Variants in SPTLC1 observed in about 807,000 individuals in gnomAD.
SPTLC1 encodes serine palmitoyltransferase 1.
Under a neutral mutation model 68.9 loss-of-function variants are expected in SPTLC1, and 55 were observed. That is an observed-to-expected ratio of 0.80 (90% CI 0.64 to 1.00). SPTLC1 has a LOEUF of 1.00. SPTLC1 is among the 50% of genes least tolerant of loss of function. The pLI is 0.00. For synonymous variants in SPTLC1, 197 were observed against 201.6 expected, an observed-to-expected ratio of 0.98 and a Z score of 0.19; for missense variants, 449 against 573.1, an observed-to-expected ratio of 0.78 and a Z score of 2.21.
rs772585324 is a variant in SPTLC1, at chr9:92,068,088, C to T, written c.438G>A (p.Leu146=). 5.0e-6 allele frequency: 8 copies of T among 1,613,746 alleles called. No homozygotes were observed. In the East Asian group the frequency reaches 1.6e-4, roughly 31 times the overall value. ...ATTTTGCCAGGCGGTCTTCCAAATC[C>T]AAATGAACATCTATTTCAGTTAAAA... ...RGFYGTFDVH[L]DLEDRLAKFM... is the part of the protein sequence containing the mutation. The change falls in exon 6 of 15, where the codon TTG becomes TTA. Residue 146 remains leucine (L), a synonymous_variant. Coordinates refer to ENST00000262554, the MANE Select transcript of SPTLC1 (RefSeq NM_006415.4).
Position 92,047,644 on chromosome 9 carries a change from C to A in SPTLC1, c.953G>T (p.Cys318Phe). 6.2e-7 allele frequency: 1 copy of A among 1,613,696 alleles called. No individual in the cohort carries two copies. Among genetic ancestry groups the A allele is most frequent in the African/African-American group, 1.3e-5 (1 of 75,010 alleles). The change falls in exon 10 of 15, where the codon TGC (cysteine) becomes TTC (phenylalanine). Residue 318 changes from cysteine to phenylalanine, a missense_variant. Around this residue, in one of 3 missense-constraint regions of SPTLC1, gnomAD observed 391 missense variants for 472.1 expected, o/e 0.83. Coordinates refer to ENST00000262554, the MANE Select transcript of SPTLC1 (RefSeq NM_006415.4). Reference sequence around the variant, plus strand: ...GTCAATTACAAAAGACCTGCCACAGCAGAAACCTCCAATAGAAGCAAGTGC... The same window carrying A: ...GTCAATTACAAAAGACCTGCCACAGAAGAAACCTCCAATAGAAGCAAGTGC... ...ENALASIGGF[C>F]CGRSFVIDHQ... is the part of the protein sequence containing the mutation.
At chr9:92,091,150 G>A (rs1179632372) in intron 3 of SPTLC1, among the ~76,000 whole-genome samples, 1 of 152,176 alleles carries the variant, frequency 6.6e-6, no homozygotes, top group Non-Finnish European at 1.5e-5. Flanking sequence ...TATAAAGGGA[G>A]GTAAAATAAT....
chr9:92,055,680 T>A (rs113136625), intron 7 of SPTLC1, among the ~76,000 whole-genome samples, 186 bp from the exon 8 acceptor site: 7 of 152,246 alleles, frequency 4.6e-5, no homozygotes, highest in African/African-American at 1.7e-4. Flanking sequence ...TCTCAGACGT[T>A]TTTCAGCTCA....
At chr9:92,088,802 G>C (rs542178380) in intron 3 of SPTLC1, among the ~76,000 whole-genome samples, 40 of 152,320 alleles carry the variant, frequency 2.6e-4, no homozygotes, top group Middle Eastern at 3.4e-3. Context: ...GGAAGTCTCA[G>C]ACCTGTGCCC....
intron 1 of SPTLC1, among the ~76,000 whole-genome samples, chr9:92,114,071 C>T (rs534356185): frequency 4.2e-4 from 64 of 151,050 alleles, no homozygotes; most frequent in Middle Eastern, 3.4e-3. Context: ...GCCAGGAGTT[C>T]GAGGCCAGGC....
chr9:92,080,063 T>G lies in SPTLC1; in HGVS notation c.380A>C (p.Lys127Thr), dbSNP rs1242753412. Residue 127 changes from lysine to threonine, a missense_variant, in exon 5 of 15, where the codon AAG (lysine) becomes ACG (threonine). Coordinates refer to ENST00000262554, the MANE Select transcript of SPTLC1 (RefSeq NM_006415.4). ...VKAAALASLKKYGVGTCGPRG... is the reference protein window; with the variant it reads ...VKAAALASLKTYGVGTCGPRG... ...GGGTCCACAAGTCCCCACGCCATACTTCTTTAGAGATGCTAAAGCTGCTGC... is the reference window on the plus strand; with the variant it reads ...GGGTCCACAAGTCCCCACGCCATACGTCTTTAGAGATGCTAAAGCTGCTGC... 6.2e-7 allele frequency: 1 copy of G among 1,614,068 alleles called. No homozygotes were observed. The highest frequency in any genetic ancestry group is 1.7e-5 in the Admixed American group (1 of 60,008).
At chr9:92,109,693 C>T in intron 2 of SPTLC1, 1 of 152,440 alleles carries the variant, frequency 6.6e-6, no homozygotes, top group Non-Finnish European at 1.5e-5. Context: ...TCATTTTAGG[C>T]CGGGCATGGT....
At chr9:92,042,510 C>T (rs781749911) in intron 12 of SPTLC1, among the ~76,000 whole-genome samples, 2 of 152,260 alleles carry the variant, frequency 1.3e-5, no homozygotes, top group African/African-American at 4.8e-5. Context: ...CAACCCCATT[C>T]ATAACAGCAA....
rs957463967 is a variant in SPTLC1 at position 92,059,345 on chromosome 9, G to A, written c.561-37C>T. On this transcript the variant is annotated intron_variant, in intron 6 of 14. Transcript: ENST00000262554. ...AGAGATCCACCAAATTGGGTTTAAA[G>A]GGTCTTGTCAACATTCTCAAAAAGG... is the stretch of plus-strand genomic sequence containing the variant. 2.5e-6 allele frequency: 4 copies of A among 1,611,978 alleles called. No homozygotes were observed. The Admixed American group carries it at 6.7e-5, about 27-fold the overall frequency.
chr9:92,068,062 A>G lies in SPTLC1; in HGVS notation c.464T>C (p.Phe155Ser). The change falls in exon 6 of 15, where the codon TTT becomes TCT. Residue 155 changes from phenylalanine (F) to serine (S), a missense_variant. Coordinates refer to ENST00000262554, the MANE Select transcript of SPTLC1 (RefSeq NM_006415.4). ...HLDLEDRLAK[F>S]MKTEEAIIYS... is the part of the protein sequence containing the mutation. ...TATAATGGCTTCTTCTGTCTTCATA[A>G]ATTTTGCCAGGCGGTCTTCCAAATC... 1.9e-6 allele frequency: 3 copies of G among 1,614,094 alleles called. No homozygotes were observed. Among genetic ancestry groups the G allele is most frequent in the Non-Finnish European group, 2.5e-6 (3 of 1,179,998 alleles).
rs1205897284 is a variant in SPTLC1 at position 92,047,597 on chromosome 9, T to C, written c.984+16A>G. The stretch of plus-strand genomic sequence containing the variant: ...ATTAGTTTCAGTTTTAGCTCCTGTT[T>C]TTAAAAAGAACCCACCTGATGGTCA... On this transcript the variant is annotated intron_variant, in intron 10 of 14. Coordinates refer to ENST00000262554, the MANE Select transcript of SPTLC1 (RefSeq NM_006415.4). 6.3e-7 allele frequency: 1 copy of C among 1,584,778 alleles called. No individual in the cohort carries two copies. Among genetic ancestry groups the C allele is most frequent in the African/African-American group, 1.4e-5 (1 of 73,580 alleles).
chr9:92,098,403 C>T (rs995972630), intron 3 of SPTLC1, among the ~76,000 whole-genome samples: 7 of 152,108 alleles, frequency 4.6e-5, no homozygotes, highest in Non-Finnish European at 7.4e-5. Context: ...GTGAACCTCG[C>T]CCGAGAGCTC....
intron 12 of SPTLC1, chr9:92,038,592 A>C: frequency 1.8e-6 from 1 of 546,146 alleles, no homozygotes; most frequent in Admixed American, 2.7e-5. Flanking sequence ...TCCTGAGTGC[A>C]GGACCGGGTC....
Position 92,032,564 on chromosome 9 carries a change from A to C in SPTLC1, c.1329-6T>G. 6.2e-7 allele frequency: 1 copy of C among 1,614,108 alleles called. No individual in the cohort carries two copies. The highest frequency in any genetic ancestry group is 8.5e-7 in the Non-Finnish European group (1 of 1,180,022). The stretch of plus-strand genomic sequence containing the variant: ...CCGTGACCACAACCCGAATGCTGAG[A>C]ACAGTAAAGGACACAAAGAATTATC... On this transcript the variant is annotated splice_region_variant and splice_polypyrimidine_tract_variant and intron_variant, in intron 14 of 14. Transcript: ENST00000262554.
At position 92,073,981 on chromosome 9, in the gene SPTLC1, T is replaced by C. The variant is rs1243896074; in HGVS notation, c.428-5883A>G. Among the ~76,000 whole-genome samples the C allele has an allele frequency of 9.9e-5, 15 of 152,162 alleles. No individual in the cohort carries two copies. The East Asian group carries it at 2.9e-3, about 29-fold the overall frequency. ...GCCATGCCCCTGTGTGGGCCCTCACTGGAAGTCAGACTGTCTGACTCTCAT... is the reference window on the plus strand; with the variant it reads ...GCCATGCCCCTGTGTGGGCCCTCACCGGAAGTCAGACTGTCTGACTCTCAT... On this transcript the variant is annotated intron_variant, in intron 5 of 14. Transcript: ENST00000262554.
chr9:92,080,752 C>A, intron 4 of SPTLC1, 118 bp downstream of exon 4: 1 of 797,038 alleles, frequency 1.3e-6, no homozygotes, highest in South Asian at 1.4e-5. Context: ...GTTGGCCAGG[C>A]TGGTCTTAAA....
At chr9:92,099,058 C>T (rs902249758) in intron 3 of SPTLC1, among the ~76,000 whole-genome samples, 22 of 152,178 alleles carry the variant, frequency 1.4e-4, no homozygotes, top group Non-Finnish European at 3.1e-4. Flanking sequence ...GAAAATATAG[C>T]CTCATAACAT....
chr9:92,114,677 G>C (rs1006672480), intron 1 of SPTLC1, among the ~76,000 whole-genome samples: 4 of 151,784 alleles, frequency 2.6e-5, no homozygotes, highest in African/African-American at 9.7e-5. Flanking sequence ...GGAGGTTGTA[G>C]TGAGCCGAGA....
At chr9:92,098,460 C>A (rs1165064121) in intron 3 of SPTLC1, among the ~76,000 whole-genome samples, 2 of 152,210 alleles carry the variant, frequency 1.3e-5, no homozygotes, top group East Asian at 3.9e-4. Context: ...CCTTATTGAT[C>A]CACAGTGCCC....
Sources: allele counts gnomAD v4.1 joint callset (sites outside exome capture counted in the v4.1 genomes callset), GRCh38; gene constraint gnomAD v4.1.1; regional missense constraint gnomAD v4.1.1; transcripts MANE v1.5; gene names NCBI Gene and HGNC (gene_info 2026-07-23, HGNC 2026-07-21).